The following VWA3A variants were observed in gnomAD, a reference collection of about 807,000 sequenced individuals.
VWA3A encodes von Willebrand factor A domain-containing protein 3A.
Under a neutral mutation model 160.4 loss-of-function variants are expected in VWA3A, and 134 were observed. The ratio of observed to expected loss-of-function variants is 0.84; its 90% CI spans 0.73 to 0.96. VWA3A has a LOEUF of 0.96. VWA3A is among the 40% of genes least tolerant of loss of function. The probability of loss-of-function intolerance (pLI) is 0.00; values close to 1 mark genes in which losing one functional copy is unlikely to be tolerated. For synonymous variants in VWA3A, 476 were observed against 543.4 expected, an observed-to-expected ratio of 0.88 and a Z score of 1.72; for missense variants, 1,310 against 1,447.9, an observed-to-expected ratio of 0.90 and a Z score of 1.55.
At chr16:22,093,792 T>C (rs1398950212) in intron 1 of VWA3A, among the ~76,000 whole-genome samples, 3 of 151,994 alleles carry the variant, frequency 2.0e-5, no homozygotes, top group Non-Finnish European at 4.4e-5. Flanking sequence ...TGAGACAGAG[T>C]CTCACTCCAA....
intron 21 of VWA3A, among the ~76,000 whole-genome samples, chr16:22,135,521 GA>G (rs2046024065): frequency 1.3e-5 from 2 of 152,104 alleles, no homozygotes; most frequent in African/African-American, 4.8e-5. Flanking sequence ...CCTTTTGGGG[GA>G]CACACCTCAT....
At chr16:22,132,638 G>C in intron 19 of VWA3A, 1 of 492,080 alleles carries the variant, frequency 2.0e-6, no homozygotes. Flanking sequence ...CTGCATTTCT[G>C]GCAGGCTTCC....
intron 24 of VWA3A, among the ~76,000 whole-genome samples, chr16:22,142,314 G>C (rs376239267): frequency 1.5e-4 from 23 of 151,654 alleles, no homozygotes; most frequent in African/African-American, 5.1e-4. Flanking sequence ...TCAGGCTTAT[G>C]CTGGCTGGAA....
chr16:22,143,809 A>G (rs1377777994), intron 25 of VWA3A, among the ~76,000 whole-genome samples: 1 of 148,710 alleles, frequency 6.7e-6, no homozygotes, highest in Non-Finnish European at 1.5e-5. Flanking sequence ...GTGCAGTAGC[A>G]CTATCACTGC....
At chr16:22,147,169 C>T (rs1237355566) in intron 27 of VWA3A, among the ~76,000 whole-genome samples, 6 of 152,130 alleles carry the variant, frequency 3.9e-5, no homozygotes, top group Non-Finnish European at 8.8e-5. Flanking sequence ...ACTACAGGCA[C>T]GTGCCACCAT....
rs1047906592 is a variant in VWA3A at position 22,116,941 on chromosome 16, T to C, written c.924+74T>C. On this transcript the variant is annotated intron_variant, in intron 10 of 33. Transcript: ENST00000389398. Reference sequence around the variant, plus strand: ...AGCTGGGCTGGCCTTTGAGGCCTCATGCTTGGACAGGCCCCCGAGCTGTGG... The same window carrying C: ...AGCTGGGCTGGCCTTTGAGGCCTCACGCTTGGACAGGCCCCCGAGCTGTGG... 5.4e-6 allele frequency: 8 copies of C among 1,486,268 alleles called. No homozygotes were observed. In the African/African-American group the frequency reaches 1.1e-4, roughly 21 times the overall value. The allele number at this position is 1,486,268 out of a possible 1,614,324, so 92.1% of individuals were successfully genotyped here. A position where few individuals can be genotyped will look rare whatever the true frequency, so the allele number is the denominator to read the frequency against.
At chr16:22,148,082 ATAGATAGAGTG>A in intron 27 of VWA3A, 69 bp from the exon 28 acceptor site, 1 of 1,466,506 alleles carries the variant, frequency 6.8e-7, no homozygotes, top group Non-Finnish European at 9.1e-7. Flanking sequence ...TTTATACTTG[ATAGATAGAGTG>A]AGGGAAACCA....
At chr16:22,144,052 C>T (rs1280000886) in intron 25 of VWA3A, among the ~76,000 whole-genome samples, 195 bp from the exon 26 acceptor site, 1 of 151,968 alleles carries the variant, frequency 6.6e-6, no homozygotes, top group Non-Finnish European at 1.5e-5. Flanking sequence ...AGCCTGCACC[C>T]CCATATTTCT....
chr16:22,148,333 A>G lies in VWA3A; in HGVS notation c.2984+27A>G, dbSNP rs756019629. Reference sequence around the variant, plus strand: ...TAGGAGGCGAGGGCTGATCAGGAAGATCAAAGGGGCAGTTCCTGGGGCTTC... The same window carrying G: ...TAGGAGGCGAGGGCTGATCAGGAAGGTCAAAGGGGCAGTTCCTGGGGCTTC... On this transcript the variant is annotated intron_variant, in intron 28 of 33. Transcript: ENST00000389398. 3.8e-6 allele frequency: 6 copies of G among 1,574,914 alleles called. No homozygotes were observed. In the East Asian group the frequency reaches 1.4e-4, roughly 37 times the overall value.
chr16:22,150,953 G>A, intron 30 of VWA3A, 107 bp downstream of exon 30: 11 of 1,333,702 alleles, frequency 8.2e-6, no homozygotes, highest in Non-Finnish European at 1.1e-5. Flanking sequence ...TTAGACACGG[G>A]TTTCTCCTGG....
chr16:22,123,770 G>A (rs1014118406), intron 16 of VWA3A, 63 bp downstream of exon 16: 14 of 1,444,030 alleles, frequency 9.7e-6, no homozygotes, highest in African/African-American at 4.2e-5. Context: ...ACATTTATCC[G>A]CCTCATGAAT....
intron 27 of VWA3A, among the ~76,000 whole-genome samples, chr16:22,146,913 T>G (rs1379449773): frequency 6.6e-6 from 1 of 152,180 alleles, no homozygotes. Flanking sequence ...CTTGCCTTCC[T>G]GCAAGTGACA....
intron 6 of VWA3A, among the ~76,000 whole-genome samples, chr16:22,106,869 A>T (rs1373366240): frequency 2.0e-5 from 3 of 152,188 alleles, no homozygotes; most frequent in African/African-American, 4.8e-5. Flanking sequence ...GCATGGCTGG[A>T]AGGTAGGACC....
chr16:22,110,068 G>A (rs139223246), intron 7 of VWA3A, among the ~76,000 whole-genome samples: 172 of 152,284 alleles, frequency 1.1e-3, no homozygotes, highest in Middle Eastern at 3.4e-3. Flanking sequence ...TCAGATGGCT[G>A]GAGTCAAATC....
rs139793238 is a variant in VWA3A at position 22,118,437 on chromosome 16, G to T, written c.991-465G>T. ...GCAGTGGCTCACACCTGTAATCCCA[G>T]CACTTTGGGAGGCCGAGGCGGGCAG... On this transcript the variant is annotated intron_variant, in intron 11 of 33. Transcript: ENST00000389398. Among the ~76,000 whole-genome samples the T allele has an allele frequency of 9.5e-4, 145 of 152,206 alleles. 2 individuals carry two copies. The East Asian group carries it at 0.025, about 27-fold the overall frequency.
intron 9 of VWA3A, among the ~76,000 whole-genome samples, chr16:22,115,763 GGAGTTTAA>G (rs2045620403): frequency 6.7e-6 from 1 of 150,360 alleles, no homozygotes; most frequent in Non-Finnish European, 1.5e-5. Flanking sequence ...ATTAAGCCCA[GGAGTTTAA>G]GGCTGCAGTA....
chr16:22,123,113 A>G lies in VWA3A; in HGVS notation c.1385A>G (p.Asp462Gly). The G allele has an allele frequency of 1.9e-6, 3 of 1,606,486 alleles. No homozygotes were observed. Among genetic ancestry groups the G allele is most frequent in the Non-Finnish European group, 2.6e-6 (3 of 1,176,362 alleles). The change falls in exon 15 of 34, where the codon GAC becomes GGC. Residue 462 changes from aspartate (D) to glycine (G), a missense_variant. Coordinates refer to ENST00000389398, the MANE Select transcript of VWA3A (RefSeq NM_173615.5). ...GCAATGATACAATTTGAATGGCACG[A>G]CGGGACAGTGAAGAACATTCATGTG... ...EKAMIQFEWH[D>G]GTVKNIHVDP...
chr16:22,122,493 A>G (rs1306943686), intron 14 of VWA3A, among the ~76,000 whole-genome samples: 1 of 152,128 alleles, frequency 6.6e-6, no homozygotes. Context: ...GGAAGGAAGG[A>G]ATAATAGGTG....
intron 26 of VWA3A, 149 bp downstream of exon 26, chr16:22,144,533 T>G (rs529755333): frequency 1.6e-6 from 2 of 1,214,904 alleles, no homozygotes; most frequent in Non-Finnish European, 2.2e-6. Flanking sequence ...AAATAGGAGA[T>G]GCAAAATCCT....
Sources: allele counts gnomAD v4.1 joint callset (sites outside exome capture counted in the v4.1 genomes callset), GRCh38; gene constraint gnomAD v4.1.1; transcripts MANE v1.5; gene names NCBI Gene and HGNC (gene_info 2026-07-23, HGNC 2026-07-21).